MGMT: variants seen among roughly 807,000 people sequenced by gnomAD.
MGMT encodes the protein O-6-methylguanine-DNA methyltransferase, also known as methylated-DNA--protein-cysteine methyltransferase.
In MGMT, 14 loss-of-function variants were observed where a neutral mutation model predicts 15.9. The ratio of observed to expected loss-of-function variants is 0.88; its 90% CI spans 0.58 to 1.37. MGMT has a LOEUF of 1.37. Among genes scored for constraint, MGMT ranks in the 40% most tolerant of loss-of-function variants. The pLI is 0.00. For synonymous variants in MGMT, 130 were observed against 118.2 expected (o/e 1.10, Z -0.65); for missense variants, 282 against 268.1 (o/e 1.05, Z -0.36).
intron 2 of MGMT, chr10:129,701,395 G>A (rs1159749658): frequency 2.6e-5 from 4 of 152,204 alleles, no homozygotes; most frequent in African/African-American, 9.6e-5. Flanking sequence ...CAGCCCGATG[G>A]TGCCTCAGAT....
chr10:129,561,325 G>A (rs1055914239), intron 2 of MGMT, among the ~76,000 whole-genome samples: 15 of 152,080 alleles, frequency 9.9e-5, no homozygotes, highest in Admixed American at 9.2e-4. Flanking sequence ...GGGTGCAGGC[G>A]GTGAGACGGC....
At chr10:129,538,213 G>A (rs1464856117) in intron 2 of MGMT, among the ~76,000 whole-genome samples, 1 of 152,206 alleles carries the variant, frequency 6.6e-6, no homozygotes, top group Non-Finnish European at 1.5e-5. Flanking sequence ...TGACAAAAGT[G>A]TACAACCGTA....
chr10:129,617,726 CTTCTTTTGAAAAGTGT>C (rs1466667234), intron 2 of MGMT, among the ~76,000 whole-genome samples: 1 of 152,142 alleles, frequency 6.6e-6, no homozygotes, highest in Non-Finnish European at 1.5e-5. Flanking sequence ...ATATGTATGT[CTTCTTTTGAAAAGTGT>C]TTGTTCATGT....
intron 1 of MGMT, among the ~76,000 whole-genome samples, chr10:129,467,739 C>A (rs1182698522): frequency 6.6e-6 from 1 of 152,228 alleles, no homozygotes. Context: ...CTGCTGGAGG[C>A]CAAGTTCTAG....
intron 2 of MGMT, among the ~76,000 whole-genome samples, chr10:129,599,072 A>T (rs929730431): frequency 3.9e-5 from 6 of 152,264 alleles, no homozygotes; most frequent in African/African-American, 1.4e-4. Context: ...AGCAACGAAC[A>T]ATTCGCAAAT....
chr10:129,470,419 G>T (rs774089543), intron 1 of MGMT, among the ~76,000 whole-genome samples: 2 of 152,152 alleles, frequency 1.3e-5, no homozygotes, highest in South Asian at 4.1e-4. Context: ...AGCTTATATC[G>T]GAGGGCTGCA....
In MGMT at chr10:129,591,820, A is replaced by G. The variant is rs532519560; in HGVS notation, c.125+55443A>G. Among the ~76,000 whole-genome samples the G allele has an allele frequency of 1.3e-3, 199 of 152,288 alleles. 1 individual carries two copies. The highest frequency in any genetic ancestry group is 4.3e-3 in the African/African-American group (178 of 41,570). On this transcript the variant is annotated intron_variant, in intron 2 of 4. Transcript: ENST00000651593. The stretch of plus-strand genomic sequence containing the variant: ...GTGGTAGGCACCTGTAATCTCAGCT[A>G]CTTGGGAGGCTGAGGCAGGAGAATG...
rs1165271359 is a variant in MGMT at position 129,536,310 on chromosome 10, G to A, written c.58G>A (p.Glu20Lys). The change falls in exon 2 of 5, where the codon GAG becomes AAG. Residue 20 changes from glutamate to lysine, a missense_variant. Transcript: ENST00000651593. Reference protein sequence around the residue: ...TTLDSPLGKLELSGCEQGLHE... With the variant: ...TTLDSPLGKLKLSGCEQGLHE... ...ACTGGACAGCCCTTTGGGGAAGCTGGAGCTGTCTGGTTGTGAGCAGGGTCT... is the reference window on the plus strand; with the variant it reads ...ACTGGACAGCCCTTTGGGGAAGCTGAAGCTGTCTGGTTGTGAGCAGGGTCT... 6.2e-7 allele frequency: 1 copy of A among 1,614,158 alleles called. No individual in the cohort carries two copies. The highest frequency in any genetic ancestry group is 8.5e-7 in the Non-Finnish European group (1 of 1,180,032).
intron 1 of MGMT, among the ~76,000 whole-genome samples, chr10:129,489,495 A>G (rs6482740): frequency 0.097 from 14,662 of 151,286 alleles, 837 homozygotes; most frequent in East Asian, 0.28. Flanking sequence ...AGCTTGTCAC[A>G]TTCTTAGACT....
intron 2 of MGMT, among the ~76,000 whole-genome samples, chr10:129,550,852 G>A (rs1020093113): frequency 1.3e-5 from 2 of 152,140 alleles, no homozygotes; most frequent in African/African-American, 2.4e-5. Flanking sequence ...ACTCCTTTCC[G>A]TCTTGATGCT....
At chr10:129,707,400 T>C (rs1194094572) in intron 2 of MGMT, among the ~76,000 whole-genome samples, 1 of 151,072 alleles carries the variant, frequency 6.6e-6, no homozygotes, top group East Asian at 2.0e-4. Context: ...GTAGGCCCTC[T>C]GGAGCGTGGG....
At chr10:129,557,284 A>G (rs568784689) in intron 2 of MGMT, among the ~76,000 whole-genome samples, 2 of 152,124 alleles carry the variant, frequency 1.3e-5, no homozygotes, top group South Asian at 2.1e-4. Context: ...TTGTCTGACA[A>G]TCTCCTTGTT....
At chr10:129,755,538 G>A (rs1848795876) in intron 3 of MGMT, among the ~76,000 whole-genome samples, 1 of 152,236 alleles carries the variant, frequency 6.6e-6, no homozygotes, top group African/African-American at 2.4e-5. Context: ...AGCCTGGGCT[G>A]CTGAAGGATG....
intron 2 of MGMT, among the ~76,000 whole-genome samples, chr10:129,635,431 G>A (rs2133085701): frequency 6.6e-6 from 1 of 152,324 alleles, no homozygotes; most frequent in East Asian, 1.9e-4. Context: ...GGCAGTCGCA[G>A]CCTTTTCTTC....
intron 4 of MGMT, among the ~76,000 whole-genome samples, chr10:129,762,748 G>T (rs537818285): frequency 6.6e-6 from 1 of 152,136 alleles, no homozygotes; most frequent in African/African-American, 2.4e-5. Flanking sequence ...TGCCATGAGC[G>T]TTAATGACCC....
At chr10:129,554,757 C>T (rs79945492) in intron 2 of MGMT, among the ~76,000 whole-genome samples, 2,556 of 152,280 alleles carry the variant, frequency 0.017, 27 homozygotes, top group Non-Finnish European at 0.028. Context: ...CTAGCCCCTC[C>T]GTTCTTGTAC....
chr10:129,624,378 G>A (rs539988507), intron 2 of MGMT, among the ~76,000 whole-genome samples: 7 of 152,136 alleles, frequency 4.6e-5, no homozygotes, highest in East Asian at 1.9e-4. Context: ...GTTGGACCCC[G>A]GGCCGTGTGT....
intron 2 of MGMT, among the ~76,000 whole-genome samples, chr10:129,605,885 A>ATTTTT (rs570779181): frequency 2.9e-4 from 43 of 147,536 alleles, no homozygotes; most frequent in Admixed American, 3.4e-4. Context: ...AAGAACGGTG[A>ATTTTT]TTTTTTTTTT....
chr10:129,502,444 A>G (rs866457257), intron 1 of MGMT, among the ~76,000 whole-genome samples: 1 of 152,100 alleles, frequency 6.6e-6, no homozygotes, highest in African/African-American at 2.4e-5. Flanking sequence ...GTCACCTACA[A>G]AAAGGTACAG....
Sources: gnomAD v4.1 joint callset for allele counts (sites outside exome capture counted in the v4.1 genomes callset) on GRCh38, gnomAD v4.1.1 for gene constraint, MANE v1.5 for transcripts, NCBI Gene and HGNC (gene_info 2026-07-23, HGNC 2026-07-21) for gene names.